The following VWF variants were observed in gnomAD, a reference collection of about 807,000 sequenced individuals.
VWF encodes the protein von Willebrand factor.
A neutral mutation model predicts 308.6 loss-of-function variants in VWF; 176 were observed. The observed-to-expected ratio is 0.57, with a 90% CI of 0.50 to 0.65. The LOEUF (loss-of-function observed/expected upper bound fraction) is 0.65, where lower values mean the gene tolerates loss of function less well. Ranked by LOEUF, VWF falls within the 30% of genes least tolerant of loss-of-function variation. The probability of loss-of-function intolerance (pLI) is 0.00; values close to 1 mark genes in which losing one functional copy is unlikely to be tolerated. For missense variants in VWF, 3,146 were observed against 3,648.2 expected (o/e 0.86, Z 3.55); for synonymous variants, 1,385 against 1,443.4 (o/e 0.96, Z 0.92).
intron 5 of VWF, among the ~76,000 whole-genome samples, chr12:6,100,583 T>C (rs1367464944): frequency 1.4e-4 from 21 of 151,984 alleles, no homozygotes; most frequent in Non-Finnish European, 2.8e-4. Flanking sequence ...TGAGTTCATG[T>C]CCTTTGTAGG....
At chr12:6,041,934 G>C (rs1407224384) in intron 18 of VWF, among the ~76,000 whole-genome samples, 1 of 152,206 alleles carries the variant, frequency 6.6e-6, no homozygotes, top group Non-Finnish European at 1.5e-5. Flanking sequence ...CAGCCTCTGA[G>C]ACAGCCTTGG....
At chr12:5,965,245 T>C (rs890812902) in intron 47 of VWF, among the ~76,000 whole-genome samples, 25 of 152,294 alleles carry the variant, frequency 1.6e-4, no homozygotes, top group African/African-American at 5.8e-4. Flanking sequence ...AGCAGCCAAT[T>C]AGTCCTGCTT....
intron 6 of VWF, among the ~76,000 whole-genome samples, chr12:6,079,381 C>T (rs1334541621): frequency 1.5e-4 from 23 of 152,110 alleles, no homozygotes; most frequent in Non-Finnish European, 2.2e-4. Flanking sequence ...CCAAGGCGGG[C>T]GGATCAAGAG....
At position 6,095,850 on chromosome 12, in the gene VWF, C is replaced by T. The variant is rs1591915056; in HGVS notation, c.533-266G>A. 8 of 442,048 alleles carry T rather than the reference C, an allele frequency of 1.8e-5. No individual in the cohort carries two copies. In the East Asian group the frequency reaches 3.9e-4, roughly 21 times the overall value. 27.4% of individuals were successfully genotyped at this position (442,048 alleles called of 1,614,324 possible). On this transcript the variant is annotated intron_variant, in intron 5 of 51. Transcript: ENST00000261405. ...CAGGCAACCCAGTTGTCCCCCACTC[C>T]CCAGGAGGCCCCCATATTGATGCAT...
intron 18 of VWF, among the ~76,000 whole-genome samples, chr12:6,038,195 T>C (rs1944358620): frequency 6.6e-6 from 1 of 152,132 alleles, no homozygotes; most frequent in South Asian, 2.1e-4. Flanking sequence ...CTGTCACAAT[T>C]AGGGTTCATG....
At chr12:5,958,832 C>G (rs561961283) in intron 47 of VWF, among the ~76,000 whole-genome samples, 11 of 152,262 alleles carry the variant, frequency 7.2e-5, no homozygotes, top group African/African-American at 2.6e-4. Flanking sequence ...GAGTGAATAA[C>G]TGACTGTAAT....
intron 6 of VWF, among the ~76,000 whole-genome samples, chr12:6,090,172 T>C (rs1473626392): frequency 7.2e-5 from 11 of 152,126 alleles, no homozygotes; most frequent in African/African-American, 2.4e-4. Context: ...TTAGCCAGGA[T>C]GGTCTCAATC....
intron 34 of VWF, 104 bp from the exon 35 acceptor site, chr12:5,996,326 T>A: frequency 9.4e-7 from 1 of 1,061,776 alleles, no homozygotes. Flanking sequence ...ATAAATACAG[T>A]AGAGAATGGA....
At chr12:6,022,471 T>G (rs1236221623) in intron 26 of VWF, among the ~76,000 whole-genome samples, 1 of 150,852 alleles carries the variant, frequency 6.6e-6, no homozygotes, top group African/African-American at 2.4e-5. Context: ...AATACAACAT[T>G]CCCCCACTGC....
intron 11 of VWF, 141 bp downstream of exon 11, chr12:6,064,996 G>T (rs1282561562): frequency 8.0e-7 from 1 of 1,249,644 alleles, no homozygotes; most frequent in African/African-American, 1.5e-5. Context: ...GATGAATGAG[G>T]AGCTAACTGA....
At chr12:6,088,073 A>G (rs1171332045) in intron 6 of VWF, among the ~76,000 whole-genome samples, 1 of 152,232 alleles carries the variant, frequency 6.6e-6, no homozygotes, top group Non-Finnish European at 1.5e-5. Flanking sequence ...ACACCAAGTG[A>G]CTACTGTTCA....
At chr12:6,056,729 A>T in intron 15 of VWF, 128 bp downstream of exon 15, 1 of 817,636 alleles carries the variant, frequency 1.2e-6, no homozygotes, top group Non-Finnish European at 1.7e-6. Flanking sequence ...CGTCCTCCCC[A>T]CCCGTGTTTG....
At chr12:5,983,122 C>A (rs1280419134) in intron 41 of VWF, 28 bp downstream of exon 41, 1 of 1,606,150 alleles carries the variant, frequency 6.2e-7, no homozygotes, top group Non-Finnish European at 8.5e-7. Context: ...GAGGCCACAC[C>A]ACCCCTCCTC....
rs746810319 is a variant in VWF, at chr12:6,019,418, G to A, written c.4000C>T (p.Arg1334Trp). 2.4e-5 allele frequency: 39 copies of A among 1,613,806 alleles called. No individual in the cohort carries two copies. Among genetic ancestry groups the A allele is most frequent in the South Asian group, 5.5e-5 (5 of 91,072 alleles). Residue 1334 changes from arginine (R) to tryptophan (W), a missense_variant, in exon 28 of 52, where the codon CGG becomes TGG. Arg to Trp is a moderately radical substitution (Grantham distance 101). Coordinates refer to ENST00000261405, the MANE Select transcript of VWF (RefSeq NM_000552.5). The surrounding 1 kb of genome is among the most constrained non-coding windows in gnomAD (Gnocchi z 5.8). ...GSHAYIGLKD[R>W]KRPSELRRIA... is the part of the protein sequence containing the mutation. ...CGCCGCAGCTCTGACGGTCGCTTCC[G>A]GTCCTTGAGCCCGATGTAGGCGTGG... is the stretch of plus-strand genomic sequence containing the variant.
intron 42 of VWF, among the ~76,000 whole-genome samples, chr12:5,976,719 T>A (rs1249123951): frequency 6.6e-6 from 1 of 151,552 alleles, no homozygotes; most frequent in Non-Finnish European, 1.5e-5. Context: ...TGCCCACGAG[T>A]GACTAGGAAC....
intron 34 of VWF, 23 bp downstream of exon 34, chr12:6,011,594 G>T (rs1321748625): frequency 9.5e-6 from 15 of 1,587,024 alleles, no homozygotes; most frequent in Middle Eastern, 1.9e-4. Context: ...ACGCTGCCCT[G>T]GCTGGAGAAG....
intron 3 of VWF, among the ~76,000 whole-genome samples, chr12:6,118,272 T>C (rs1591928752): frequency 6.7e-6 from 1 of 150,216 alleles, no homozygotes; most frequent in Non-Finnish European, 1.5e-5. Context: ...GGGCAGGGAG[T>C]CCAGAGCAGA....
chr12:6,057,177 G>A, intron 14 of VWF, 105 bp from the exon 15 acceptor site: 1 of 1,073,626 alleles, frequency 9.3e-7, no homozygotes, highest in Non-Finnish European at 1.3e-6. Flanking sequence ...CTAATAGAGG[G>A]CTGCAAGGTC....
intron 42 of VWF, among the ~76,000 whole-genome samples, chr12:5,978,285 C>A (rs1180662742): frequency 1.3e-5 from 2 of 151,738 alleles, no homozygotes; most frequent in South Asian, 2.1e-4. Flanking sequence ...TTTTTTGAGA[C>A]AAAGTCTCAC....
Sources: allele counts gnomAD v4.1 joint callset (sites outside exome capture counted in the v4.1 genomes callset), GRCh38; gene constraint gnomAD v4.1.1; non-coding constraint Gnocchi (gnomAD v3.1); transcripts MANE v1.5; gene names NCBI Gene and HGNC (gene_info 2026-07-23, HGNC 2026-07-21).